The following JAK1 variants were observed in gnomAD, a reference collection of about 807,000 sequenced individuals.
The protein encoded by JAK1 is tyrosine-protein kinase JAK1.
JAK1 carries 16 observed loss-of-function variants against 136.6 expected under a neutral mutation model. The observed-to-expected ratio is 0.12, with a 90% CI of 0.08 to 0.18. JAK1 has a LOEUF of 0.18. JAK1 is among the 10% of genes least tolerant of loss of function. The pLI is 1.00. For missense variants in JAK1, 859 were observed against 1,450.1 expected, an observed-to-expected ratio of 0.59 and a Z score of 6.62; for synonymous variants, 492 against 519.5, an observed-to-expected ratio of 0.95 and a Z score of 0.72.
chr1:65,052,710 A>T (rs1334704849), intron 1 of JAK1, among the ~76,000 whole-genome samples: 1 of 151,918 alleles, frequency 6.6e-6, no homozygotes, highest in Non-Finnish European at 1.5e-5. Flanking sequence ...GCTACTTGGG[A>T]GGCTGAGGCA....
intron 2 of JAK1, among the ~76,000 whole-genome samples, chr1:65,036,001 G>T (rs1367408757): frequency 3.3e-5 from 5 of 152,146 alleles, no homozygotes; most frequent in African/African-American, 1.2e-4. Flanking sequence ...CCGGGAGGTA[G>T]AAGTTGCAGT....
chr1:64,876,788 G>C lies in JAK1; in HGVS notation c.329+2237C>G, dbSNP rs9662231. On this transcript the variant is annotated intron_variant, in intron 4 of 24. Transcript: ENST00000342505. ...TGCCTATATTCCTTTTCAAAATGAC[G>C]TGGAGGAACAAAGCAGGAAGAAAGG... 7.1e-3 allele frequency among the ~76,000 whole-genome samples: 1,081 copies of C among 152,118 alleles called. 12 individuals are homozygous for C. Among genetic ancestry groups the C allele is most frequent in the African/African-American group, 0.025 (1,036 of 41,466 alleles).
At chr1:65,052,875 A>AG (rs1557776385) in intron 1 of JAK1, among the ~76,000 whole-genome samples, 8 of 147,492 alleles carry the variant, frequency 5.4e-5, no homozygotes, top group East Asian at 2.1e-4. Flanking sequence ...AAAAAAAAAA[A>AG]AAAAAATTAG....
At chr1:64,978,366 A>G (rs1489751555) in intron 2 of JAK1, among the ~76,000 whole-genome samples, 1 of 152,218 alleles carries the variant, frequency 6.6e-6, no homozygotes, top group Non-Finnish European at 1.5e-5. Context: ...ATAGGATGTC[A>G]ATGTAGTAAT....
At chr1:64,903,903 C>T (rs1645150952) in intron 1 of JAK1, among the ~76,000 whole-genome samples, 1 of 152,188 alleles carries the variant, frequency 6.6e-6, no homozygotes, top group African/African-American at 2.4e-5. Flanking sequence ...AATTTGGGAC[C>T]TCTCCATGGC....
At chr1:65,020,496 G>A (rs1417455297) in intron 2 of JAK1, among the ~76,000 whole-genome samples, 2 of 152,098 alleles carry the variant, frequency 1.3e-5, no homozygotes, top group African/African-American at 4.8e-5. Flanking sequence ...TGGGGAGGCA[G>A]CAAAATTTTA....
At chr1:64,888,800 A>G (rs1644890962) in intron 1 of JAK1, among the ~76,000 whole-genome samples, 1 of 152,248 alleles carries the variant, frequency 6.6e-6, no homozygotes, top group Non-Finnish European at 1.5e-5. Flanking sequence ...CGAGAAAACA[A>G]GAACAGCAAC....
chr1:65,036,185 A>G (rs1048844974), intron 2 of JAK1, among the ~76,000 whole-genome samples: 1 of 152,190 alleles, frequency 6.6e-6, no homozygotes, highest in African/African-American at 2.4e-5. Context: ...ACGTGAAAGT[A>G]GTGTACCTTG....
At chr1:65,028,338 G>A (rs1275555715) in intron 2 of JAK1, among the ~76,000 whole-genome samples, 1 of 152,006 alleles carries the variant, frequency 6.6e-6, no homozygotes, top group East Asian at 1.9e-4. Flanking sequence ...TTTATCATCT[G>A]TCTCCTTTGA....
intron 1 of JAK1, among the ~76,000 whole-genome samples, chr1:64,938,229 T>C (rs906949581): frequency 5.9e-5 from 9 of 152,002 alleles, no homozygotes; most frequent in Non-Finnish European, 1.3e-4. Context: ...AGTTCAATTA[T>C]ACAAAGATAT....
At chr1:64,992,032 C>T (rs1046562836) in intron 2 of JAK1, 20 of 152,130 alleles carry the variant, frequency 1.3e-4, no homozygotes, top group Admixed American at 1.1e-3. Flanking sequence ...AACACAATCC[C>T]TATAAAAATC....
At chr1:64,907,811 T>C (rs1166766145) in intron 1 of JAK1, among the ~76,000 whole-genome samples, 1 of 152,146 alleles carries the variant, frequency 6.6e-6, no homozygotes, top group Non-Finnish European at 1.5e-5. Flanking sequence ...ATAAAACACA[T>C]ACTACTGAAA....
At chr1:64,964,792 G>A (rs895642967) in intron 1 of JAK1, among the ~76,000 whole-genome samples, 1 of 152,218 alleles carries the variant, frequency 6.6e-6, no homozygotes, top group Non-Finnish European at 1.5e-5. Flanking sequence ...CCAGTATGAT[G>A]TCTTCACATC....
chr1:64,957,312 T>C (rs1255452957), intron 1 of JAK1, among the ~76,000 whole-genome samples: 1 of 152,160 alleles, frequency 6.6e-6, no homozygotes, highest in African/African-American at 2.4e-5. Flanking sequence ...CCTAATGCAT[T>C]ATAAGGCCCA....
chr1:64,954,453 C>T (rs552136693), intron 1 of JAK1, among the ~76,000 whole-genome samples: 55 of 152,310 alleles, frequency 3.6e-4, no homozygotes, highest in African/African-American at 1.3e-3. Context: ...CATGACCTAC[C>T]CCAAGCACAC....
At position 64,834,541 on chromosome 1, in the gene JAK1, T is replaced by G. The variant is rs1654345382; in HGVS notation, c.*21A>C. The stretch of plus-strand genomic sequence containing the variant: ...GAGAAGGACTTGATAATCTGTGGAA[T>G]TTAAATGTTATTCATGCTTCTTATT... On this transcript the variant is annotated 3_prime_UTR_variant, in exon 25 of 25. Coordinates refer to ENST00000342505, the MANE Select transcript of JAK1 (RefSeq NM_002227.4). 6.7e-7 allele frequency: 1 copy of G among 1,489,428 alleles called. No homozygotes were observed. The highest frequency in any genetic ancestry group is 9.3e-7 in the Non-Finnish European group (1 of 1,070,088). 92.3% of individuals were successfully genotyped at this position (1,489,428 alleles called of 1,614,324 possible). A position where few individuals can be genotyped will look rare whatever the true frequency, so the allele number is the denominator to read the frequency against.
At chr1:64,996,831 T>C (rs1646708369) in intron 2 of JAK1, among the ~76,000 whole-genome samples, 1 of 152,118 alleles carries the variant, frequency 6.6e-6, no homozygotes, top group Non-Finnish European at 1.5e-5. Flanking sequence ...GACAGGAAAA[T>C]CTAACAAAGC....
chr1:64,846,767 A>C, intron 13 of JAK1, 31 bp from the exon 14 acceptor site: 7 of 1,578,362 alleles, frequency 4.4e-6, no homozygotes, highest in Non-Finnish European at 6.1e-6. Context: ...GGAATGTCTC[A>C]GGCCAGCCTC....
chr1:65,053,108 G>C (rs1458165949), intron 1 of JAK1, among the ~76,000 whole-genome samples: 1 of 151,648 alleles, frequency 6.6e-6, no homozygotes, highest in African/African-American at 2.4e-5. Context: ...CACTTTGGGA[G>C]GCTGAGGTAG....
Sources: allele counts gnomAD v4.1 joint callset (sites outside exome capture counted in the v4.1 genomes callset), GRCh38; gene constraint gnomAD v4.1.1; transcripts MANE v1.5; gene names NCBI Gene and HGNC (gene_info 2026-07-23, HGNC 2026-07-21).